UNC13B: variants seen among roughly 807,000 people sequenced by gnomAD.
UNC13B encodes protein unc-13 homolog B.
A neutral mutation model predicts 211.0 loss-of-function variants in UNC13B; 144 were observed. The observed-to-expected ratio is 0.68, with a 90% CI of 0.60 to 0.78. The LOEUF (loss-of-function observed/expected upper bound fraction) is 0.78. UNC13B is among the 30% of genes least tolerant of loss of function. UNC13B has a pLI of 0.00. For synonymous variants in UNC13B, 709 were observed against 725.8 expected (o/e 0.98, Z 0.37); for missense variants, 1,777 against 2,002.0 (o/e 0.89, Z 2.14).
chr9:35,202,895 C>T (rs968810263), intron 1 of UNC13B, among the ~76,000 whole-genome samples: 1 of 151,858 alleles, frequency 6.6e-6, no homozygotes, highest in Admixed American at 6.6e-5. Flanking sequence ...CAGGTTCACG[C>T]CATTCTCCTG....
At position 35,171,722 on chromosome 9, in the gene UNC13B, A is replaced by G. The variant is rs999892386; in HGVS notation, c.22+9417A>G. On this transcript the variant is annotated intron_variant, in intron 1 of 39. Transcript: ENST00000635942. ...CCCTACCCCAGGCTAGTTTATTTTG[A>G]TTAACATGTTTGTCAGATTCTTCCA... 7.2e-5 allele frequency among the ~76,000 whole-genome samples: 11 copies of G among 152,168 alleles called. 1 individual carries two copies. Among genetic ancestry groups the G allele is most frequent in the African/African-American group, 2.4e-4 (10 of 41,454 alleles).
At chr9:35,167,114 C>T (rs760920113) in intron 1 of UNC13B, among the ~76,000 whole-genome samples, 4 of 152,020 alleles carry the variant, frequency 2.6e-5, no homozygotes, top group Admixed American at 6.6e-5. Flanking sequence ...CTCGCTGTGT[C>T]GCCCAGGCTG....
intron 1 of UNC13B, chr9:35,227,727 A>G (rs1824935954): frequency 3.0e-6 from 1 of 333,062 alleles, no homozygotes; most frequent in African/African-American, 2.1e-5. Flanking sequence ...AAGATATCTC[A>G]CATGAAACTG....
chr9:35,381,837 C>T, intron 20 of UNC13B, 118 bp downstream of exon 20: 2 of 1,293,894 alleles, frequency 1.5e-6, no homozygotes, highest in East Asian at 4.6e-5. Flanking sequence ...CCTTTACTTT[C>T]CTCTCTGAGC....
intron 7 of UNC13B, among the ~76,000 whole-genome samples, 189 bp from the exon 8 acceptor site, chr9:35,295,507 A>C (rs754813015): frequency 6.6e-6 from 1 of 152,144 alleles, no homozygotes; most frequent in Non-Finnish European, 1.5e-5. Flanking sequence ...TATGATAAGG[A>C]AGAGAAACTT....
At chr9:35,352,600 G>A (rs1308648603) in intron 11 of UNC13B, 1 of 1,231,992 alleles carries the variant, frequency 8.1e-7, no homozygotes, top group African/African-American at 1.6e-5. Flanking sequence ...ATCAGATGAA[G>A]GCTCAGGATC....
At chr9:35,351,999 C>T (rs1681982918) in intron 11 of UNC13B, 27 of 1,232,138 alleles carry the variant, frequency 2.2e-5, no homozygotes, top group Middle Eastern at 3.1e-4. Flanking sequence ...CGTCTTCAGA[C>T]TGAGATTGCT....
At chr9:35,352,204 TC>T in intron 11 of UNC13B, 1 of 1,232,162 alleles carries the variant, frequency 8.1e-7, no homozygotes, top group Admixed American at 4.2e-5. Context: ...TGTACGGACT[TC>T]CTGAACAAGA....
Position 35,162,191 on chromosome 9 carries a change from C to G in UNC13B, c.-93C>G. The G allele has an allele frequency of 6.6e-7, 1 of 1,524,986 alleles. No individual in the cohort carries two copies. Among genetic ancestry groups the G allele is most frequent in the Middle Eastern group, 1.8e-4 (1 of 5,480 alleles). 94.5% of individuals were successfully genotyped at this position (1,524,986 alleles called of 1,614,324 possible). ...TGAGGAGCTGCCAGACCCGTGGGGCCGGTAACGAGAGCAGTCGCGGCACCT... is the reference window on the plus strand; with the variant it reads ...TGAGGAGCTGCCAGACCCGTGGGGCGGGTAACGAGAGCAGTCGCGGCACCT... On this transcript the variant is annotated 5_prime_UTR_variant, in exon 1 of 40. Coordinates refer to ENST00000635942, the MANE Select transcript of UNC13B (RefSeq NM_001371189.2).
intron 1 of UNC13B, among the ~76,000 whole-genome samples, chr9:35,211,594 A>G (rs1296750005): frequency 2.0e-5 from 3 of 152,218 alleles, no homozygotes; most frequent in African/African-American, 7.2e-5. Context: ...AAGTATAGCA[A>G]TATGAGTAGT....
chr9:35,383,843 G>A (rs1187441056), intron 21 of UNC13B, among the ~76,000 whole-genome samples: 11 of 151,900 alleles, frequency 7.2e-5, no homozygotes, highest in African/African-American at 1.7e-4. Flanking sequence ...GCACTACCCC[G>A]AGATAAGTCA....
chr9:35,397,798 T>G, intron 30 of UNC13B, 86 bp downstream of exon 30: 6 of 1,419,716 alleles, frequency 4.2e-6, no homozygotes, highest in Non-Finnish European at 5.9e-6. Context: ...GAATTGAGGG[T>G]TGGGGTGACA....
intron 1 of UNC13B, among the ~76,000 whole-genome samples, chr9:35,224,550 CTA>C (rs1313763583): frequency 6.6e-6 from 1 of 152,000 alleles, no homozygotes; most frequent in Non-Finnish European, 1.5e-5. Context: ...TTAGGTTTTT[CTA>C]TATATAAGAT....
At chr9:35,317,912 A>T (rs528764671) in intron 11 of UNC13B, among the ~76,000 whole-genome samples, 1 of 152,196 alleles carries the variant, frequency 6.6e-6, no homozygotes, top group East Asian at 1.9e-4. Flanking sequence ...TAAGTTTTTT[A>T]AAAGTAAGGG....
At chr9:35,368,466 G>A (rs1323645320) in intron 12 of UNC13B, among the ~76,000 whole-genome samples, 1 of 152,178 alleles carries the variant, frequency 6.6e-6, no homozygotes, top group Non-Finnish European at 1.5e-5. Flanking sequence ...CCACTGATGG[G>A]CATTTAGCTT....
rs376237953 is a variant in UNC13B at position 35,241,456 on chromosome 9, T to C, written c.395-1835T>C. ...AATAAATTAATAATGGTTTAAAAAG[T>C]TATCCAGTGAAAAGTCCCTTCAGAA... On this transcript the variant is annotated intron_variant, in intron 5 of 39. Transcript: ENST00000635942. Among the ~76,000 whole-genome samples the C allele has an allele frequency of 7.6e-4, 115 of 152,062 alleles. 1 individual carries two copies. The South Asian group carries it at 0.019, about 25-fold the overall frequency.
intron 1 of UNC13B, among the ~76,000 whole-genome samples, chr9:35,192,605 T>C: frequency 6.6e-6 from 1 of 152,208 alleles, no homozygotes; most frequent in East Asian, 1.9e-4. Flanking sequence ...ATAAGGGGGA[T>C]CCTTAGATTG....
chr9:35,383,639 T>G (rs963910902), intron 21 of UNC13B, among the ~76,000 whole-genome samples: 1 of 152,196 alleles, frequency 6.6e-6, no homozygotes, highest in Non-Finnish European at 1.5e-5. Context: ...CGTTTAATTA[T>G]ACTTTTTCTA....
Position 35,376,186 on chromosome 9 carries a change from C to T in UNC13B, c.9774C>T (p.Ser3258=), listed in dbSNP as rs571328752. The T allele has an allele frequency of 1.9e-5, 30 of 1,614,012 alleles. No homozygotes were observed. The highest frequency in any genetic ancestry group is 1.1e-4 in the African/African-American group (8 of 74,934). Residue 3258 remains serine, a synonymous_variant, in exon 15 of 40, where the codon AGC becomes AGT. Coordinates refer to ENST00000635942, the MANE Select transcript of UNC13B (RefSeq NM_001371189.2). ...TTGCCCGGCAGGGCATGCGCTGCAGCGAATGTGGAGTCAAGTGCCATGAGA... is the reference window on the plus strand; with the variant it reads ...TTGCCCGGCAGGGCATGCGCTGCAGTGAATGTGGAGTCAAGTGCCATGAGA... ...WGIARQGMRC[S]ECGVKCHEKC... is the part of the protein sequence containing the mutation.
Sources: gnomAD v4.1 joint callset for allele counts (sites outside exome capture counted in the v4.1 genomes callset) on GRCh38, gnomAD v4.1.1 for gene constraint, MANE v1.5 for transcripts, NCBI Gene and HGNC (gene_info 2026-07-23, HGNC 2026-07-21) for gene names.